Variants in AOAH observed in about 807,000 individuals in gnomAD.
AOAH encodes acyloxyacyl hydrolase, also known as acyloxyacyl hydrolase (neutrophil).
In AOAH, 64 loss-of-function variants were observed where a neutral mutation model predicts 92.2. The ratio of observed to expected loss-of-function variants is 0.69; its 90% confidence interval spans 0.57 to 0.86. The LOEUF (loss-of-function observed/expected upper bound fraction) is 0.86. Among genes scored for constraint, AOAH ranks in the 40% least tolerant of loss-of-function variants. The pLI is 0.00. For synonymous variants in AOAH, 263 were observed against 254.5 expected (o/e 1.03, Z -0.32); for missense variants, 656 against 694.6 (o/e 0.94, Z 0.62).
In AOAH at chr7:36,656,018, G is replaced by C. The variant is rs1794862387; in HGVS notation, c.390+3148C>G. Among the ~76,000 whole-genome samples the C allele has an allele frequency of 2.0e-5, 3 of 152,196 alleles. No homozygotes were observed. The South Asian group carries it at 6.2e-4, about 31-fold the overall frequency. On this transcript the variant is annotated intron_variant, in intron 4 of 20. Transcript: ENST00000617537. ...GGGAGGAATAATCCACCAAGTGGAA[G>C]GACAGAGTGAGAAATTGCTTTCCAG...
At chr7:36,588,102 TTAA>T (rs1204563350) in intron 12 of AOAH, among the ~76,000 whole-genome samples, 1 of 152,214 alleles carries the variant, frequency 6.6e-6, no homozygotes, top group African/African-American at 2.4e-5. Flanking sequence ...TTTAATAAAA[TTAA>T]TAATGTTTTT....
chr7:36,686,203 A>T (rs1192087650), intron 2 of AOAH, among the ~76,000 whole-genome samples: 1 of 152,200 alleles, frequency 6.6e-6, no homozygotes, highest in African/African-American at 2.4e-5. Flanking sequence ...TTTTATTGAG[A>T]TCTAGTTTAA....
At chr7:36,632,144 G>A in intron 5 of AOAH, 38 bp from the exon 6 acceptor site, 1 of 1,548,508 alleles carries the variant, frequency 6.5e-7, no homozygotes, top group Non-Finnish European at 8.8e-7. Context: ...GAGTTGTTTA[G>A]TTTAAGGAGT....
chr7:36,565,162 T>C (rs1787598074), intron 13 of AOAH, among the ~76,000 whole-genome samples: 1 of 152,228 alleles, frequency 6.6e-6, no homozygotes, highest in East Asian at 1.9e-4. Flanking sequence ...TGCCTTTTTA[T>C]ATGAAGCATC....
At chr7:36,580,588 T>C (rs10259920) in intron 12 of AOAH, among the ~76,000 whole-genome samples, 68,300 of 151,954 alleles carry the variant, frequency 0.45, 15,758 homozygotes, top group Admixed American at 0.54. Context: ...TTGCTTTTTT[T>C]CCCCTTTGTT....
intron 1 of AOAH, among the ~76,000 whole-genome samples, chr7:36,690,379 C>T (rs6462692): frequency 0.56 from 85,152 of 152,036 alleles, 24,245 homozygotes; most frequent in East Asian, 0.83. Flanking sequence ...TGGAGTCCTG[C>T]TCATTCAGCC....
intron 5 of AOAH, among the ~76,000 whole-genome samples, chr7:36,635,412 C>G (rs73687583): frequency 0.03 from 4,545 of 152,258 alleles, 226 homozygotes; most frequent in African/African-American, 0.1. Context: ...CAAAGTGGGA[C>G]AGTCATCACT....
chr7:36,547,202 C>T (rs550309727), intron 15 of AOAH, among the ~76,000 whole-genome samples: 22 of 152,300 alleles, frequency 1.4e-4, no homozygotes, highest in Non-Finnish European at 2.8e-4. Flanking sequence ...ACTGGAAAGT[C>T]CCCGGTGTCT....
At chr7:36,539,621 G>A (rs1017421806) in intron 16 of AOAH, among the ~76,000 whole-genome samples, 17 of 152,202 alleles carry the variant, frequency 1.1e-4, no homozygotes, top group Non-Finnish European at 2.4e-4. Flanking sequence ...AATACAGAAA[G>A]CAGAGCCCTG....
chr7:36,631,698 A>G (rs1793117521), intron 6 of AOAH, among the ~76,000 whole-genome samples: 1 of 152,178 alleles, frequency 6.6e-6, no homozygotes, highest in African/African-American at 2.4e-5. Context: ...ACCCTGGTCC[A>G]TAGTTCACAT....
At chr7:36,611,587 T>C (rs1315953804) in intron 11 of AOAH, among the ~76,000 whole-genome samples, 3 of 152,166 alleles carry the variant, frequency 2.0e-5, no homozygotes, top group Non-Finnish European at 2.9e-5. Context: ...CTCTTTTTCC[T>C]GGAGAATTAG....
At chr7:36,593,631 C>T (rs1789901705) in intron 12 of AOAH, among the ~76,000 whole-genome samples, 1 of 152,204 alleles carries the variant, frequency 6.6e-6, no homozygotes, top group Admixed American at 6.5e-5. Flanking sequence ...TATTAACTGT[C>T]ATAAATGTTT....
rs1194597825 is a variant in AOAH, at chr7:36,618,346, C to T, written c.703-1G>A. The T allele has an allele frequency of 1.2e-6, 2 of 1,613,790 alleles. No individual in the cohort carries two copies. The highest frequency in any genetic ancestry group is 1.7e-6 in the Non-Finnish European group (2 of 1,179,874). ...GAACTCCATCTTTTGGATCGACACC[C>T]TTTAAAAAAGAAACGATGTGATTAG... On this transcript the variant is annotated splice_acceptor_variant, in intron 9 of 20. Coordinates refer to ENST00000617537, the MANE Select transcript of AOAH (RefSeq NM_001637.4). LOFTEE classifies it high-confidence loss of function.
At chr7:36,622,033 G>T (rs1331647806) in intron 7 of AOAH, among the ~76,000 whole-genome samples, 1 of 151,726 alleles carries the variant, frequency 6.6e-6, no homozygotes, top group African/African-American at 2.4e-5. Flanking sequence ...GTGAATGTAT[G>T]TGTGTGTGTG....
At chr7:36,582,085 G>C (rs1008853567) in intron 12 of AOAH, among the ~76,000 whole-genome samples, 3 of 152,196 alleles carry the variant, frequency 2.0e-5, no homozygotes, top group African/African-American at 7.2e-5. Context: ...AGGCTACTAG[G>C]ATGCTATGCA....
chr7:36,530,597 G>A lies in AOAH; in HGVS notation c.1426-83C>T, dbSNP rs958332480. Reference sequence around the variant, plus strand: ...ACAATTCAGGCAGAACAAAGAAATCGATCTTCCCCATCCTACTCTACTTTC... The same window carrying A: ...ACAATTCAGGCAGAACAAAGAAATCAATCTTCCCCATCCTACTCTACTTTC... On this transcript the variant is annotated intron_variant, in intron 18 of 20. Transcript: ENST00000617537. The A allele has an allele frequency of 5.5e-5, 48 of 880,066 alleles. No homozygotes were observed. The East Asian group carries it at 9.5e-4, about 17-fold the overall frequency. The allele number at this position is 880,066 out of a possible 1,614,324, so 54.5% of individuals were successfully genotyped here. A position where few individuals can be genotyped will look rare whatever the true frequency, so the allele number is the denominator to read the frequency against.
rs1583768712 is a variant in AOAH, at chr7:36,540,188, G to A, written c.1306+131C>T. ...TTAGATACTGCACCTAGGGGCTCTT[G>A]CCTTTATCAACCCTGACCCATGTTC... On this transcript the variant is annotated intron_variant, in intron 16 of 20. Coordinates refer to ENST00000617537, the MANE Select transcript of AOAH (RefSeq NM_001637.4). 4.8e-6 allele frequency: 4 copies of A among 835,874 alleles called. No homozygotes were observed. In the South Asian group the frequency reaches 6.2e-5, roughly 13 times the overall value. 51.8% of individuals were successfully genotyped at this position (835,874 alleles called of 1,614,324 possible).
chr7:36,605,966 T>C (rs1010045857), intron 11 of AOAH, among the ~76,000 whole-genome samples: 8 of 152,242 alleles, frequency 5.3e-5, no homozygotes, highest in South Asian at 2.1e-4. Flanking sequence ...CCTCATCACC[T>C]AGCATCTTTA....
At chr7:36,556,444 A>C (rs1350371923) in intron 13 of AOAH, among the ~76,000 whole-genome samples, 5 of 152,138 alleles carry the variant, frequency 3.3e-5, no homozygotes, top group African/African-American at 1.2e-4. Flanking sequence ...GTGGTGATGA[A>C]AAAAATGTAT....
Sources: gnomAD v4.1 joint callset for allele counts (sites outside exome capture counted in the v4.1 genomes callset) on GRCh38, gnomAD v4.1.1 for gene constraint, MANE v1.5 for transcripts, NCBI Gene and HGNC (gene_info 2026-07-23, HGNC 2026-07-21) for gene names.